The following PMEPA1 variants were observed in gnomAD, a reference collection of about 807,000 sequenced individuals.
PMEPA1 encodes the protein protein TMEPAI.
PMEPA1 carries 11 observed loss-of-function variants against 23.0 expected under a neutral mutation model. The ratio of observed to expected loss-of-function variants is 0.48; its 90% CI spans 0.30 to 0.79. PMEPA1 has a LOEUF of 0.79. Ranked by LOEUF, PMEPA1 falls within the 30% of genes least tolerant of loss-of-function variation. The probability of loss-of-function intolerance (pLI) is 0.06; values close to 1 mark genes in which losing one functional copy is unlikely to be tolerated. For synonymous variants in PMEPA1, 204 were observed against 166.4 expected (o/e 1.23, Z -1.74); for missense variants, 377 against 390.9 (o/e 0.96, Z 0.30).
chr20:57,672,569 G>C (rs940664239), intron 1 of PMEPA1, among the ~76,000 whole-genome samples: 3 of 152,240 alleles, frequency 2.0e-5, no homozygotes, highest in Non-Finnish European at 4.4e-5. Flanking sequence ...GACGGGCACC[G>C]TCTGGAGGGG....
chr20:57,695,986 G>A (rs750969382), intron 1 of PMEPA1, among the ~76,000 whole-genome samples: 2 of 152,096 alleles, frequency 1.3e-5, no homozygotes, highest in Non-Finnish European at 2.9e-5. Context: ...ATGTTCTCTG[G>A]ACTCTCTCCT....
intron 1 of PMEPA1, among the ~76,000 whole-genome samples, chr20:57,689,250 CTCTCT>C (rs1241468711): frequency 2.0e-5 from 3 of 152,226 alleles, no homozygotes; most frequent in Non-Finnish European, 4.4e-5. Flanking sequence ...TACCCACCCC[CTCTCT>C]TCTATCTCGG....
rs138064264 is a variant in PMEPA1 at position 57,682,598 on chromosome 20, C to T, written c.110-22901G>A. On this transcript the variant is annotated intron_variant, in intron 1 of 3. Transcript: ENST00000341744. This position sits in a 1 kb window ranked among gnomAD's most constrained non-coding sequence, Gnocchi z 4.4. Reference sequence around the variant, plus strand: ...CCCACACCTGGAAGACGAAAGGACACGAGAAGGAGAGGCACAGCTGCGTCG... The same window carrying T: ...CCCACACCTGGAAGACGAAAGGACATGAGAAGGAGAGGCACAGCTGCGTCG... Among the ~76,000 whole-genome samples, 18 of 152,200 alleles carry T rather than the reference C, an allele frequency of 1.2e-4. No homozygotes were observed. Among genetic ancestry groups the T allele is most frequent in the Admixed American group, 3.3e-4 (5 of 15,294 alleles).
chr20:57,653,356 G>T (rs1263398159), intron 2 of PMEPA1, among the ~76,000 whole-genome samples: 1 of 152,104 alleles, frequency 6.6e-6, no homozygotes, highest in Non-Finnish European at 1.5e-5. Context: ...CCCACTTGTG[G>T]GGCCCCCTTC....
chr20:57,653,102 C>G lies in PMEPA1; in HGVS notation c.265-16G>C. The G allele has an allele frequency of 6.4e-7, 1 of 1,572,974 alleles. No homozygotes were observed. The highest frequency in any genetic ancestry group is 8.6e-7 in the Non-Finnish European group (1 of 1,157,942). The stretch of plus-strand genomic sequence containing the variant: ...GGCATCCTTCCTGCACAGGAAGAAA[C>G]GTACAAGCAGGGTCAGTGGGGTGGG... On this transcript the variant is annotated splice_polypyrimidine_tract_variant and intron_variant, in intron 2 of 3. Coordinates refer to ENST00000341744, the MANE Select transcript of PMEPA1 (RefSeq NM_020182.5).
intron 1 of PMEPA1, among the ~76,000 whole-genome samples, chr20:57,684,808 A>C (rs1047358303): frequency 6.6e-6 from 1 of 152,008 alleles, no homozygotes. Flanking sequence ...ACATTGCCAC[A>C]AAAGGAGGAG....
chr20:57,652,588 T>C lies in PMEPA1; in HGVS notation c.329A>G (p.Tyr110Cys). ...GCGGTCGGTGGGCCGAGGCGGGGCG[T>C]AGACCTGCGGCTGGAGGAAGCAGAG... ...SGNGIPEPQV[Y>C]APPRPTDRLA... The change falls in exon 4 of 4, where the codon TAC (tyrosine) becomes TGC (cysteine). Residue 110 changes from tyrosine to cysteine, a missense_variant. By Grantham distance (194) the Tyr-to-Cys change is radical. Transcript: ENST00000341744. The surrounding 1 kb of genome is among the most constrained non-coding windows in gnomAD (Gnocchi z 6.1). The C allele has an allele frequency of 6.7e-7, 1 of 1,484,802 alleles. No homozygotes were observed. Among genetic ancestry groups the C allele is most frequent in the Middle Eastern group, 1.9e-4 (1 of 5,402 alleles). The allele number at this position is 1,484,802 out of a possible 1,614,324, so 92.0% of individuals were successfully genotyped here.
chr20:57,710,029 G>C (rs866366472), upstream of PMEPA1: 7 of 996,722 alleles, frequency 7.0e-6, no homozygotes, highest in Non-Finnish European at 4.8e-6. Flanking sequence ...AGCGCTAGAC[G>C]GGGCTGCCGG....
intron 1 of PMEPA1, among the ~76,000 whole-genome samples, chr20:57,670,520 C>T (rs892623646): frequency 1.3e-5 from 2 of 152,190 alleles, no homozygotes; most frequent in East Asian, 1.9e-4. Context: ...AAGGCTGACA[C>T]GCCTGACAAG....
intron 1 of PMEPA1, among the ~76,000 whole-genome samples, chr20:57,665,598 G>T (rs1366788313): frequency 2.0e-5 from 3 of 151,810 alleles, no homozygotes; most frequent in Non-Finnish European, 4.4e-5. Flanking sequence ...ACACTCAACT[G>T]TCACCATTGT....
intron 1 of PMEPA1, among the ~76,000 whole-genome samples, chr20:57,672,081 T>C (rs1039092024): frequency 6.6e-6 from 1 of 152,282 alleles, no homozygotes; most frequent in Non-Finnish European, 1.5e-5. Context: ...TGACTTCTTC[T>C]AGATGAAGGG....
intron 1 of PMEPA1, among the ~76,000 whole-genome samples, chr20:57,705,800 T>C (rs1039409786): frequency 6.6e-6 from 1 of 152,194 alleles, no homozygotes; most frequent in African/African-American, 2.4e-5. Flanking sequence ...CATTTCTGGC[T>C]GTCAAACCTG....
intron 1 of PMEPA1, among the ~76,000 whole-genome samples, chr20:57,689,944 C>T (rs573383864): frequency 2.6e-5 from 4 of 152,260 alleles, no homozygotes; most frequent in Non-Finnish European, 4.4e-5. Flanking sequence ...GTGGCTGCAT[C>T]GCCCGGCAGC....
intron 1 of PMEPA1, among the ~76,000 whole-genome samples, chr20:57,708,187 T>C (rs1365106121): frequency 6.6e-6 from 1 of 152,240 alleles, no homozygotes; most frequent in African/African-American, 2.4e-5. Flanking sequence ...GCCCAGACAC[T>C]GCCTTCATTC....
In PMEPA1 at chr20:57,696,957, G is replaced by A. The variant is rs184115141; in HGVS notation, c.109+12517C>T. 4.1e-4 allele frequency among the ~76,000 whole-genome samples: 62 copies of A among 152,360 alleles called. No homozygotes were observed. In the East Asian group the frequency reaches 9.1e-3, roughly 22 times the overall value. On this transcript the variant is annotated intron_variant, in intron 1 of 3. Coordinates refer to ENST00000341744, the MANE Select transcript of PMEPA1 (RefSeq NM_020182.5). ...AGTAATGCTTACTCCGGGCAGCCAT[G>A]CTCTTCGGGGAGGCTTGCTCTTGGA...
chr20:57,669,185 C>CA (rs1272372046), intron 1 of PMEPA1, among the ~76,000 whole-genome samples: 1 of 113,752 alleles, frequency 8.8e-6, no homozygotes, highest in African/African-American at 3.8e-5. Context: ...ATTTTTGAGA[C>CA]AGAGTCTCAC....
At chr20:57,659,411 G>T in intron 2 of PMEPA1, 132 bp downstream of exon 2, 2 of 969,050 alleles carry the variant, frequency 2.1e-6, no homozygotes, top group Non-Finnish European at 3.0e-6. Context: ...TGTCAGGTGG[G>T]CTCCCCAGCC....
chr20:57,694,270 C>T (rs1172973183), intron 1 of PMEPA1, among the ~76,000 whole-genome samples: 2 of 152,294 alleles, frequency 1.3e-5, no homozygotes, highest in Admixed American at 6.5e-5. Context: ...TCAGCCTTCC[C>T]GATTTTTGCC....
chr20:57,703,370 C>T (rs1339747156), intron 1 of PMEPA1, among the ~76,000 whole-genome samples: 1 of 152,236 alleles, frequency 6.6e-6, no homozygotes, highest in Non-Finnish European at 1.5e-5. Context: ...AGCTTCTGGG[C>T]TTTCTGCTCC....
Sources: allele counts gnomAD v4.1 joint callset (sites outside exome capture counted in the v4.1 genomes callset), GRCh38; gene constraint gnomAD v4.1.1; non-coding constraint Gnocchi (gnomAD v3.1); transcripts MANE v1.5; gene names NCBI Gene and HGNC (gene_info 2026-07-23, HGNC 2026-07-21).